The following DOCK9 variants were observed in gnomAD, a reference collection of about 807,000 sequenced individuals.
DOCK9 encodes dedicator of cytokinesis protein 9.
In DOCK9, 89 loss-of-function variants were observed where a neutral mutation model predicts 263.3. The observed-to-expected ratio is 0.34, with a 90% confidence interval of 0.28 to 0.40. DOCK9 has a LOEUF of 0.40. Among genes scored for constraint, DOCK9 ranks in the 10% least tolerant of loss-of-function variants. DOCK9 has a pLI of 1.00. For missense variants in DOCK9, 2,140 were observed against 2,603.4 expected (o/e 0.82, Z 3.87); for synonymous variants, 976 against 973.1 (o/e 1.00, Z -0.06).
chr13:98,884,863 G>A, intron 21 of DOCK9, 108 bp downstream of exon 21: 1 of 1,302,832 alleles, frequency 7.7e-7, no homozygotes, highest in African/African-American at 1.5e-5. Flanking sequence ...TATCAAAATG[G>A]TGGAAGAGCA....
chr13:98,883,652 T>G (rs1188534457), intron 22 of DOCK9, among the ~76,000 whole-genome samples, 161 bp downstream of exon 22: 1 of 152,240 alleles, frequency 6.6e-6, no homozygotes, highest in African/African-American at 2.4e-5. Flanking sequence ...GTCATTTATA[T>G]GAATACATAT....
At chr13:98,816,459 A>G (rs2091861454) in intron 45 of DOCK9, among the ~76,000 whole-genome samples, 1 of 152,086 alleles carries the variant, frequency 6.6e-6, no homozygotes. Context: ...AACAGTAGTC[A>G]GTGAGTCCCT....
intron 50 of DOCK9, 101 bp from the exon 51 acceptor site, chr13:98,797,590 G>A (rs1210162666): frequency 2.0e-6 from 2 of 980,658 alleles, no homozygotes; most frequent in Non-Finnish European, 3.1e-6. Context: ...GTTCGCGTGA[G>A]CTACTCACAA....
chr13:98,987,252 T>G (rs1312338428), intron 1 of DOCK9, among the ~76,000 whole-genome samples: 1 of 152,234 alleles, frequency 6.6e-6, no homozygotes, highest in Non-Finnish European at 1.5e-5. Flanking sequence ...AAACATCACA[T>G]TGTATCCCAT....
At chr13:99,057,392 T>C (rs2040977406) in intron 1 of DOCK9, among the ~76,000 whole-genome samples, 1 of 152,174 alleles carries the variant, frequency 6.6e-6, no homozygotes, top group African/African-American at 2.4e-5. Context: ...ATGGTATTCT[T>C]AAATCTTAAT....
chr13:98,981,838 G>A (rs1442772250), upstream of DOCK9, among the ~76,000 whole-genome samples: 15 of 152,186 alleles, frequency 9.9e-5, no homozygotes, highest in Admixed American at 2.0e-4. Flanking sequence ...GATGACATCC[G>A]GTTGGTGTGG....
intron 1 of DOCK9, among the ~76,000 whole-genome samples, chr13:98,956,249 A>G (rs955002425): frequency 2.4e-4 from 36 of 152,204 alleles, no homozygotes; most frequent in Admixed American, 2.0e-4. Flanking sequence ...GAAGAAGAGA[A>G]TATGGCTTTT....
intron 15 of DOCK9, among the ~76,000 whole-genome samples, chr13:98,894,990 G>A (rs939997083): frequency 2.3e-4 from 33 of 144,296 alleles, no homozygotes; most frequent in African/African-American, 6.6e-4. Context: ...AAAAATTAGC[G>A]GGGCGTGGCA....
chr13:98,967,489 T>G (rs4271473), intron 1 of DOCK9, among the ~76,000 whole-genome samples: 82,005 of 152,158 alleles, frequency 0.54, 22,329 homozygotes, highest in East Asian at 0.75. Context: ...CACAGATGGG[T>G]TGATCCTTGG....
chr13:98,910,017 T>A (rs1409436395), intron 9 of DOCK9, among the ~76,000 whole-genome samples: 1 of 152,196 alleles, frequency 6.6e-6, no homozygotes, highest in Non-Finnish European at 1.5e-5. Flanking sequence ...CAGAACCACA[T>A]GGGGAAACCA....
rs199719969 is a variant in DOCK9 at position 98,908,554 on chromosome 13, G to A, written c.961-3848C>T. The stretch of plus-strand genomic sequence containing the variant: ...TGCAGCTTGCTGATATGTATGTAAG[G>A]GGGAACCAGATCTTCCACTGGCCCA... On this transcript the variant is annotated intron_variant, in intron 9 of 52. Transcript: ENST00000682017. Among the ~76,000 whole-genome samples the A allele has an allele frequency of 4.6e-5, 7 of 152,224 alleles. No homozygotes were observed. In the East Asian group the frequency reaches 1.3e-3, roughly 29 times the overall value.
At chr13:98,946,887 C>T (rs2056785189) in intron 2 of DOCK9, among the ~76,000 whole-genome samples, 1 of 152,150 alleles carries the variant, frequency 6.6e-6, no homozygotes, top group Non-Finnish European at 1.5e-5. Flanking sequence ...TCTTCCAACT[C>T]TTCTTCTCCA....
In DOCK9 at chr13:98,794,689, G is replaced by A. The variant is rs772759239; in HGVS notation, c.6216C>T (p.Ala2072=). The A allele has an allele frequency of 6.2e-7, 1 of 1,613,868 alleles. No homozygotes were observed. Among genetic ancestry groups the A allele is most frequent in the East Asian group, 2.2e-5 (1 of 44,880 alleles). Reference sequence around the variant, plus strand: ...TTGTGCTTGTTGGAGTCCCACTGATGGCGTTGAAGATGTGAAGGGAATTCG... The same window carrying A: ...TTGTGCTTGTTGGAGTCCCACTGATAGCGTTGAAGATGTGAAGGGAATTCG... ...VLPNSLHIFN[A]ISGTPTSTMV... Residue 2072 remains alanine, a synonymous_variant, in exon 53 of 53, where the codon GCC becomes GCT. Coordinates refer to ENST00000682017, the MANE Select transcript of DOCK9 (RefSeq NM_001366683.2).
In DOCK9 at chr13:99,018,050, A is replaced by C. The variant is rs576385513; in HGVS notation, c.130-62499T>G. ...AAAAGATAAATAAAAGTAAAAGCTA[A>C]ATTTTAAAAAAACAATAAGAGAGAA... is the stretch of plus-strand genomic sequence containing the variant. On this transcript the variant is annotated intron_variant, in intron 1 of 32. Transcript: ENST00000427887. Among the ~76,000 whole-genome samples the C allele has an allele frequency of 5.9e-5, 9 of 152,370 alleles. No homozygotes were observed. The South Asian group carries it at 1.7e-3, about 28-fold the overall frequency.
chr13:98,891,063 C>G (rs1256929757), intron 15 of DOCK9, among the ~76,000 whole-genome samples: 5 of 152,150 alleles, frequency 3.3e-5, no homozygotes, highest in Non-Finnish European at 5.9e-5. Context: ...CCTGTGCCTG[C>G]GGTGTGAGCT....
intron 1 of DOCK9, among the ~76,000 whole-genome samples, chr13:99,048,561 C>T (rs1223705804): frequency 6.6e-6 from 1 of 152,196 alleles, no homozygotes; most frequent in East Asian, 1.9e-4. Flanking sequence ...GAGGCAATTC[C>T]CTTCCATATT....
At chr13:98,934,516 C>T (rs528810098) in intron 2 of DOCK9, among the ~76,000 whole-genome samples, 4 of 152,266 alleles carry the variant, frequency 2.6e-5, no homozygotes, top group South Asian at 4.1e-4. Flanking sequence ...TCTTAAGTTA[C>T]GAAGCTGTGG....
intron 12 of DOCK9, 115 bp downstream of exon 12, chr13:98,902,173 A>G: frequency 8.9e-7 from 1 of 1,118,520 alleles, no homozygotes; most frequent in Non-Finnish European, 1.2e-6. Flanking sequence ...CTATTAATTA[A>G]GAGTCTAATG....
At chr13:98,906,842 G>C (rs2049187008) in intron 9 of DOCK9, among the ~76,000 whole-genome samples, 1 of 152,246 alleles carries the variant, frequency 6.6e-6, no homozygotes, top group Admixed American at 6.5e-5. Context: ...CAATTAAGTA[G>C]CTGTGCAAGC....
Sources: allele counts gnomAD v4.1 joint callset (sites outside exome capture counted in the v4.1 genomes callset), GRCh38; gene constraint gnomAD v4.1.1; transcripts MANE v1.5; gene names NCBI Gene and HGNC (gene_info 2026-07-23, HGNC 2026-07-21).